Variants in SLC18A1 observed in about 807,000 individuals in gnomAD.
SLC18A1 encodes solute carrier family 18 member A1.
In SLC18A1, 69 loss-of-function variants were observed where a neutral mutation model predicts 53.7. The observed-to-expected ratio is 1.28, with a 90% CI of 1.06 to 1.57. The LOEUF is 1.57. Ranked by LOEUF, SLC18A1 falls within the 40% of genes most tolerant of loss-of-function variation. SLC18A1 has a pLI of 0.00. For synonymous variants in SLC18A1, 320 were observed against 248.1 expected, an observed-to-expected ratio of 1.29 and a Z score of -2.72; for missense variants, 932 against 668.1, an observed-to-expected ratio of 1.40 and a Z score of -4.35.
At chr8:20,174,707 T>C (rs1357261045) in intron 4 of SLC18A1, among the ~76,000 whole-genome samples, 1 of 152,130 alleles carries the variant, frequency 6.6e-6, no homozygotes, top group Non-Finnish European at 1.5e-5. Context: ...AGTCTGTACA[T>C]CTCTTGCCAA....
At chr8:20,178,379 T>G (rs1563772029) in intron 4 of SLC18A1, 56 bp downstream of exon 4, 8 of 1,422,508 alleles carry the variant, frequency 5.6e-6, no homozygotes, top group Non-Finnish European at 5.9e-6. Context: ...CCGCATTCAC[T>G]TGATAAAATC....
Position 20,181,023 on chromosome 8 carries a change from A to C in SLC18A1, c.-59T>G, listed in dbSNP as rs1229557651. 2 of 1,532,792 alleles carry C rather than the reference A, an allele frequency of 1.3e-6. No homozygotes were observed. The highest frequency in any genetic ancestry group is 1.8e-6 in the Non-Finnish European group (2 of 1,136,428). 94.9% of individuals were successfully genotyped at this position (1,532,792 alleles called of 1,614,324 possible). ...GGGCTCTTAGGGAAGGTCCTGTGAC[A>C]GCTACAGGTCTCCTGCAGCCTTTAT... is the stretch of plus-strand genomic sequence containing the variant. On this transcript the variant is annotated 5_prime_UTR_variant, in exon 2 of 16. Transcript: ENST00000276373.
At chr8:20,160,683 TAGTC>T (rs1460184519) in intron 10 of SLC18A1, among the ~76,000 whole-genome samples, 1 of 152,212 alleles carries the variant, frequency 6.6e-6, no homozygotes, top group African/African-American at 2.4e-5. Flanking sequence ...AAGTTGGTCT[TAGTC>T]TGTTTTATTT....
chr8:20,176,900 A>C (rs1268767510), intron 4 of SLC18A1, among the ~76,000 whole-genome samples: 1 of 152,222 alleles, frequency 6.6e-6, no homozygotes, highest in African/African-American at 2.4e-5. Flanking sequence ...AAAACGTCTC[A>C]GATCCACTAG....
chr8:20,151,846 A>G (rs1485110448), intron 10 of SLC18A1, among the ~76,000 whole-genome samples: 1 of 152,200 alleles, frequency 6.6e-6, no homozygotes, highest in East Asian at 1.9e-4. Flanking sequence ...ACCATGTGTC[A>G]GGTATTCTGG....
At position 20,178,507 on chromosome 8, in the gene SLC18A1, GAAA is replaced by G. The variant is rs71532226; in HGVS notation, c.489-17_489-15del. Reference sequence around the variant, plus strand: ...TGATATCCAATCCTAAAAGGGAATTGAAAAAAAAAAAGATACAATTCCAACAGG... The same window carrying G: ...TGATATCCAATCCTAAAAGGGAATTGAAAAAAAAGATACAATTCCAACAGG... On this transcript the variant is annotated splice_polypyrimidine_tract_variant and intron_variant, in intron 3 of 15. Coordinates refer to ENST00000276373, the MANE Select transcript of SLC18A1 (RefSeq NM_003053.4). 2 of 1,415,362 alleles carry G rather than the reference GAAA, an allele frequency of 1.4e-6. No individual in the cohort carries two copies. Among genetic ancestry groups the G allele is most frequent in the Admixed American group, 2.1e-5 (1 of 47,222 alleles). The allele number at this position is 1,415,362 out of a possible 1,614,324, so 87.7% of individuals were successfully genotyped here.
chr8:20,149,900 C>G (rs146572911), intron 11 of SLC18A1, among the ~76,000 whole-genome samples, 173 bp from the exon 12 acceptor site: 2 of 152,176 alleles, frequency 1.3e-5, no homozygotes, highest in Non-Finnish European at 2.9e-5. Flanking sequence ...TCTCCCTGCC[C>G]TTTCCTTGTC....
chr8:20,157,141 G>C (rs528203572), intron 10 of SLC18A1, among the ~76,000 whole-genome samples: 2 of 152,272 alleles, frequency 1.3e-5, no homozygotes, highest in African/African-American at 4.8e-5. Flanking sequence ...GACACTCTAG[G>C]ACTAATGCTC....
chr8:20,178,603 G>C (rs1002622306), intron 3 of SLC18A1, 110 bp from the exon 4 acceptor site: 2 of 767,676 alleles, frequency 2.6e-6, no homozygotes, highest in Admixed American at 5.1e-5. Context: ...TGGGTGTATG[G>C]TAAAACATGC....
At chr8:20,162,722 C>G (rs982754048) in intron 10 of SLC18A1, among the ~76,000 whole-genome samples, 1 of 152,176 alleles carries the variant, frequency 6.6e-6, no homozygotes, top group African/African-American at 2.4e-5. Flanking sequence ...TCAGAATGAC[C>G]TTCACTGTCC....
chr8:20,180,202 G>A (rs1405875594), intron 2 of SLC18A1, among the ~76,000 whole-genome samples: 7 of 151,316 alleles, frequency 4.6e-5, no homozygotes, highest in Admixed American at 4.6e-4. Context: ...ACTTTATAGA[G>A]CATAACTATA....
chr8:20,159,518 A>C (rs1456318123), intron 10 of SLC18A1, among the ~76,000 whole-genome samples: 3 of 151,674 alleles, frequency 2.0e-5, no homozygotes, highest in Admixed American at 6.6e-5. Flanking sequence ...GCACAGAGGG[A>C]GGGACAATGA....
chr8:20,161,688 G>C (rs1455617267), intron 10 of SLC18A1, among the ~76,000 whole-genome samples: 3 of 152,180 alleles, frequency 2.0e-5, no homozygotes, highest in East Asian at 1.9e-4. Context: ...AAGAAGAAAG[G>C]GGTAACAGGT....
intron 10 of SLC18A1, among the ~76,000 whole-genome samples, chr8:20,157,024 G>A (rs536331350): frequency 3.3e-5 from 5 of 152,232 alleles, no homozygotes; most frequent in African/African-American, 7.2e-5. Flanking sequence ...AGAAAGGCGG[G>A]AAAACAGGTG....
intron 10 of SLC18A1, among the ~76,000 whole-genome samples, chr8:20,157,619 G>C (rs2071715912): frequency 6.6e-6 from 1 of 152,204 alleles, no homozygotes; most frequent in African/African-American, 2.4e-5. Context: ...ATACCTCTCT[G>C]TCACCTGACT....
chr8:20,173,845 T>C (rs2072186870), intron 5 of SLC18A1, among the ~76,000 whole-genome samples: 1 of 152,090 alleles, frequency 6.6e-6, no homozygotes, highest in South Asian at 2.1e-4. Context: ...GAGGAAGTTA[T>C]GTCAGGCTCA....
At chr8:20,167,179 A>G (rs1360508910) in intron 8 of SLC18A1, among the ~76,000 whole-genome samples, 1 of 152,046 alleles carries the variant, frequency 6.6e-6, no homozygotes, top group Non-Finnish European at 1.5e-5. Context: ...TTTCAAATGT[A>G]TCATGCATTA....
intron 10 of SLC18A1, among the ~76,000 whole-genome samples, chr8:20,153,501 C>A (rs544444893): frequency 1.3e-5 from 2 of 152,194 alleles, no homozygotes; most frequent in South Asian, 4.1e-4. Flanking sequence ...CACAGTGAAA[C>A]CCCATCTCTA....
At chr8:20,171,596 GGGGCTAAGCTCCAC>G in intron 6 of SLC18A1, 102 bp from the exon 7 acceptor site, 1 of 873,724 alleles carries the variant, frequency 1.1e-6, no homozygotes, top group Non-Finnish European at 1.9e-6. Flanking sequence ...AGGCCTGCTA[GGGGCTAAGCTCCAC>G]CTGAGGCTCT....
Sources: gnomAD v4.1 joint callset for allele counts (sites outside exome capture counted in the v4.1 genomes callset) on GRCh38, gnomAD v4.1.1 for gene constraint, MANE v1.5 for transcripts, NCBI Gene and HGNC (gene_info 2026-07-23, HGNC 2026-07-21) for gene names.